Variants in MAN1A1 observed in about 807,000 individuals in gnomAD.
The protein encoded by MAN1A1 is mannosyl-oligosaccharide 1,2-alpha-mannosidase IA.
Under a neutral mutation model 70.8 loss-of-function variants are expected in MAN1A1, and 29 were observed. The ratio of observed to expected loss-of-function variants is 0.41; its 90% CI spans 0.31 to 0.56. The LOEUF (loss-of-function observed/expected upper bound fraction) is 0.56, where lower values mean the gene tolerates loss of function less well. Among genes scored for constraint, MAN1A1 ranks in the 20% least tolerant of loss-of-function variants. The pLI is 0.29. For missense variants in MAN1A1, 747 were observed against 841.3 expected (o/e 0.89, Z 1.39); for synonymous variants, 349 against 330.1 (o/e 1.06, Z -0.62).
chr6:119,347,034 C>A (rs1050249362), intron 2 of MAN1A1, among the ~76,000 whole-genome samples: 1 of 152,144 alleles, frequency 6.6e-6, no homozygotes, highest in Non-Finnish European at 1.5e-5. Context: ...AGAATCCATT[C>A]CCCCAAGTAT....
At chr6:119,306,283 T>C (rs1048055906) in intron 3 of MAN1A1, among the ~76,000 whole-genome samples, 2 of 152,178 alleles carry the variant, frequency 1.3e-5, no homozygotes, top group Non-Finnish European at 2.9e-5. Flanking sequence ...CATGACACCC[T>C]TGTGTTACTT....
intron 4 of MAN1A1, among the ~76,000 whole-genome samples, chr6:119,298,472 A>G (rs1772285287): frequency 6.6e-6 from 1 of 152,200 alleles, no homozygotes; most frequent in African/African-American, 2.4e-5. Context: ...TTTCACATTA[A>G]CAAATTTATT....
chr6:119,264,000 A>G (rs1374239376), intron 5 of MAN1A1, among the ~76,000 whole-genome samples: 1 of 152,236 alleles, frequency 6.6e-6, no homozygotes, highest in African/African-American at 2.4e-5. Context: ...ATGCTTTCCT[A>G]AAGAGTGGTG....
chr6:119,215,319 T>C (rs1774169850), intron 6 of MAN1A1, among the ~76,000 whole-genome samples: 1 of 152,200 alleles, frequency 6.6e-6, no homozygotes, highest in Non-Finnish European at 1.5e-5. Flanking sequence ...GAATCTGGGC[T>C]TTACATGGCA....
intron 5 of MAN1A1, among the ~76,000 whole-genome samples, chr6:119,276,554 G>A (rs931174606): frequency 6.6e-6 from 1 of 152,184 alleles, no homozygotes; most frequent in African/African-American, 2.4e-5. Context: ...ATTATTCCAA[G>A]TTTAGTTATA....
In MAN1A1 at chr6:119,178,856, T is replaced by C. The variant is rs894261459; in HGVS notation, c.*963A>G. On this transcript the variant is annotated 3_prime_UTR_variant, in exon 13 of 13. Coordinates refer to ENST00000368468, the MANE Select transcript of MAN1A1 (RefSeq NM_005907.4). ...TCAAATCTGAGAAATCTGAACCAAATAGAATGCTTTATTTTCCAAAGAAAA... is the reference window on the plus strand; with the variant it reads ...TCAAATCTGAGAAATCTGAACCAAACAGAATGCTTTATTTTCCAAAGAAAA... 5.3e-5 allele frequency: 8 copies of C among 152,078 alleles called. No homozygotes were observed. The East Asian group carries it at 1.2e-3, about 22-fold the overall frequency. The allele number at this position is 152,078 out of a possible 1,614,324, so 9.4% of individuals were successfully genotyped here. A position where few individuals can be genotyped will look rare whatever the true frequency, so the allele number is the denominator to read the frequency against.
chr6:119,277,764 G>A (rs1421514031), intron 5 of MAN1A1, among the ~76,000 whole-genome samples: 1 of 151,566 alleles, frequency 6.6e-6, no homozygotes, highest in African/African-American at 2.4e-5. Flanking sequence ...GGGAAAACCC[G>A]TCTCTACTAA....
chr6:119,209,476 A>G (rs1441069952), intron 6 of MAN1A1, among the ~76,000 whole-genome samples: 2 of 152,170 alleles, frequency 1.3e-5, no homozygotes, highest in African/African-American at 4.8e-5. Flanking sequence ...ATACTCCCTC[A>G]CATCCCATAC....
intron 5 of MAN1A1, among the ~76,000 whole-genome samples, chr6:119,275,204 G>A (rs1170332213): frequency 5.5e-5 from 8 of 145,616 alleles, no homozygotes; most frequent in Non-Finnish European, 9.1e-5. Flanking sequence ...TCTGCCTCCC[G>A]GGTTCAAGCA....
At chr6:119,181,777 G>C (rs1270109885) in intron 11 of MAN1A1, among the ~76,000 whole-genome samples, 1 of 152,034 alleles carries the variant, frequency 6.6e-6, no homozygotes, top group Non-Finnish European at 1.5e-5. Flanking sequence ...GTATATACTG[G>C]AAGGTGTACA....
intron 8 of MAN1A1, among the ~76,000 whole-genome samples, chr6:119,198,953 T>A (rs1343152772): frequency 2.0e-5 from 3 of 152,236 alleles, no homozygotes; most frequent in African/African-American, 4.8e-5. Flanking sequence ...AGAAATTACA[T>A]CAATGAATTT....
chr6:119,315,879 TG>T (rs1772837075), intron 2 of MAN1A1, among the ~76,000 whole-genome samples: 1 of 152,238 alleles, frequency 6.6e-6, no homozygotes, highest in South Asian at 2.1e-4. Context: ...AGGCAGAAGC[TG>T]TCACTGAGTT....
chr6:119,254,869 A>G (rs531249051), intron 5 of MAN1A1, among the ~76,000 whole-genome samples: 1 of 152,338 alleles, frequency 6.6e-6, no homozygotes, highest in Admixed American at 6.5e-5. Flanking sequence ...AAATAACTTT[A>G]AATAAAAACT....
At chr6:119,230,338 C>T (rs548947301) in intron 6 of MAN1A1, among the ~76,000 whole-genome samples, 1 of 152,286 alleles carries the variant, frequency 6.6e-6, no homozygotes, top group African/African-American at 2.4e-5. Context: ...TCCTCAGGAC[C>T]TTGAGTGCTT....
chr6:119,316,367 T>C (rs917241189), intron 2 of MAN1A1, among the ~76,000 whole-genome samples: 1 of 151,990 alleles, frequency 6.6e-6, no homozygotes, highest in Non-Finnish European at 1.5e-5. Context: ...GGTTTCGCCA[T>C]GTTAGCCAGG....
chr6:119,301,941 G>C (rs753020005), intron 4 of MAN1A1, 47 bp downstream of exon 4: 14 of 1,034,694 alleles, frequency 1.4e-5, no homozygotes, highest in Non-Finnish European at 2.1e-5. Context: ...ATTTATCCAT[G>C]TTAACTGAAA....
chr6:119,232,760 A>G (rs1774723695), intron 6 of MAN1A1, among the ~76,000 whole-genome samples: 1 of 151,928 alleles, frequency 6.6e-6, no homozygotes, highest in African/African-American at 2.4e-5. Context: ...TTACAGAAGC[A>G]TAAGGCACTA....
At chr6:119,192,078 G>C (rs532717163) in intron 9 of MAN1A1, among the ~76,000 whole-genome samples, 2 of 152,238 alleles carry the variant, frequency 1.3e-5, no homozygotes, top group African/African-American at 4.8e-5. Flanking sequence ...TGATTTGTCT[G>C]AATACAATAT....
At chr6:119,261,456 C>T (rs1775611859) in intron 5 of MAN1A1, among the ~76,000 whole-genome samples, 1 of 152,136 alleles carries the variant, frequency 6.6e-6, no homozygotes, top group South Asian at 2.1e-4. Context: ...TGCACAAACA[C>T]TTGGGATACG....
Sources: gnomAD v4.1 joint callset for allele counts (sites outside exome capture counted in the v4.1 genomes callset) on GRCh38, gnomAD v4.1.1 for gene constraint, MANE v1.5 for transcripts, NCBI Gene and HGNC (gene_info 2026-07-23, HGNC 2026-07-21) for gene names.